The following GNAS-AS1 variants were observed in gnomAD, a reference collection of about 807,000 sequenced individuals.
GNAS-AS1 encodes the protein GNAS antisense RNA 1 (non-protein coding).
chr20:58,826,401 A>G lies in GNAS-AS1; in HGVS notation n.820-7146T>C, dbSNP rs1306502335. ...ATAAAAATGTCCCAGGTGGATGACAAATGTTATGGTAACCCTAGTTATACA... is the reference window on the plus strand; with the variant it reads ...ATAAAAATGTCCCAGGTGGATGACAGATGTTATGGTAACCCTAGTTATACA... On this transcript the variant is annotated intron_variant and non_coding_transcript_variant, in intron 4 of 4. Transcript: ENST00000424094. Among the ~76,000 whole-genome samples, 4 of 152,162 alleles carry G rather than the reference A, an allele frequency of 2.6e-5. No homozygotes were observed. In the South Asian group the frequency reaches 8.3e-4, roughly 32 times the overall value.
intron 1 of GNAS-AS1, chr20:58,850,439 G>A (rs1047632511): frequency 1.8e-5 from 7 of 397,556 alleles, no homozygotes; most frequent in Non-Finnish European, 3.1e-5. Flanking sequence ...ATGGTACTTT[G>A]GGGGTGAGCG....
intron 4 of GNAS-AS1, chr20:58,826,002 C>A: frequency 2.5e-6 from 1 of 398,582 alleles, no homozygotes; most frequent in South Asian, 1.3e-4. Flanking sequence ...TTCTCTTTCT[C>A]CTGAGCTTGC....
chr20:58,824,438 C>T (rs1429069636), intron 4 of GNAS-AS1, among the ~76,000 whole-genome samples: 1 of 152,212 alleles, frequency 6.6e-6, no homozygotes, highest in Admixed American at 6.5e-5. Flanking sequence ...AGCAAAGTCC[C>T]ACCATGCTGG....
chr20:58,824,023 A>G (rs2085504000), intron 4 of GNAS-AS1: 1 of 398,520 alleles, frequency 2.5e-6, no homozygotes, highest in African/African-American at 2.1e-5. Context: ...GAAAGGCTTC[A>G]TTTTCCTGAC....
At chr20:58,836,315 T>G (rs1273047835) in intron 4 of GNAS-AS1, 1 of 152,248 alleles carries the variant, frequency 6.6e-6, no homozygotes, top group Non-Finnish European at 1.5e-5. Context: ...CTTCTTTGGG[T>G]TGCGCTGAAG....
chr20:58,823,478 G>A (rs910553324), intron 4 of GNAS-AS1, among the ~76,000 whole-genome samples: 1 of 152,194 alleles, frequency 6.6e-6, no homozygotes, highest in Non-Finnish European at 1.5e-5. Flanking sequence ...TGCCTGTGAC[G>A]GGCGCACGTG....
chr20:58,826,582 C>T (rs1030741134), intron 4 of GNAS-AS1, among the ~76,000 whole-genome samples: 50 of 152,040 alleles, frequency 3.3e-4, no homozygotes, highest in African/African-American at 1.2e-3. Flanking sequence ...GCAGAGGGGA[C>T]CTGGGTTTAA....
At chr20:58,848,836 C>T (rs1461712006) in intron 2 of GNAS-AS1, 1 of 398,528 alleles carries the variant, frequency 2.5e-6, no homozygotes, top group Non-Finnish European at 4.4e-6. Flanking sequence ...CTTCTGGGGT[C>T]CCTGACCCCA....
rs919438504 is a variant in GNAS-AS1, at chr20:58,840,692, C to T, written n.819+1245G>A. ...CCCCAGGGAAGGGGAGGAGCTCAAG[C>T]CCGAGGACAAAGATCCAAGGGACCC... On this transcript the variant is annotated intron_variant and non_coding_transcript_variant, in intron 4 of 4. Transcript: ENST00000424094. This position sits in a 1 kb window ranked among gnomAD's most constrained non-coding sequence, Gnocchi z 6.0. The T allele has an allele frequency of 6.2e-7, 1 of 1,604,144 alleles. No homozygotes were observed. Among genetic ancestry groups the T allele is most frequent in the African/African-American group, 1.3e-5 (1 of 75,016 alleles).
chr20:58,829,784 A>T (rs111374610), intron 4 of GNAS-AS1, among the ~76,000 whole-genome samples: 2 of 152,170 alleles, frequency 1.3e-5, no homozygotes, highest in African/African-American at 4.8e-5. Context: ...TCAGGGGGAA[A>T]AAAACAAAAG....
chr20:58,835,347 G>T (rs755427014), intron 4 of GNAS-AS1, among the ~76,000 whole-genome samples: 3 of 152,112 alleles, frequency 2.0e-5, no homozygotes, highest in Non-Finnish European at 2.9e-5. Context: ...ATGCATTGAG[G>T]TCTGTGGGAC....
intron 4 of GNAS-AS1, among the ~76,000 whole-genome samples, chr20:58,828,463 C>G (rs1055904039): frequency 6.6e-6 from 1 of 152,212 alleles, no homozygotes; most frequent in African/African-American, 2.4e-5. Context: ...AGGGATAGAA[C>G]TAGGACTAGA....
rs139237885 is a variant in GNAS-AS1 at position 58,833,444 on chromosome 20, C to T, written n.819+8493G>A. Among the ~76,000 whole-genome samples the T allele has an allele frequency of 8.3e-3, 1,267 of 152,292 alleles. 17 individuals are homozygous for T. The highest frequency in any genetic ancestry group is 9.9e-3 in the Non-Finnish European group (675 of 68,022). ...CGTTGAGAGGCCCTTCTTTCATTCT[C>T]CTGGCTCCATGATATTTTATCATGC... On this transcript the variant is annotated intron_variant and non_coding_transcript_variant, in intron 4 of 4. Coordinates refer to ENST00000424094, the Ensembl canonical transcript of GNAS-AS1.
At chr20:58,826,788 C>G (rs1385159675) in intron 4 of GNAS-AS1, 1 of 150,600 alleles carries the variant, frequency 6.6e-6, no homozygotes, top group African/African-American at 2.4e-5. Flanking sequence ...ATGATCCTGG[C>G]TCCTGGATTC....
rs1054120963 is a variant in GNAS-AS1, at chr20:58,818,946, G to A, written n.1129C>T. On this transcript the variant is annotated non_coding_transcript_exon_variant, in exon 5 of 5. Coordinates refer to ENST00000424094, the Ensembl canonical transcript of GNAS-AS1. ...CAGGGTGCATCTGGGAGGGCCTGCC[G>A]GGCCTTTATTCAACACTAGATACGC... 1.5e-4 allele frequency: 60 copies of A among 398,068 alleles called. 1 individual carries two copies. Among genetic ancestry groups the A allele is most frequent in the African/African-American group, 9.3e-4 (45 of 48,464 alleles). 24.7% of individuals were successfully genotyped at this position (398,068 alleles called of 1,614,324 possible). A position where few individuals can be genotyped will look rare whatever the true frequency, so the allele number is the denominator to read the frequency against.
At chr20:58,820,151 G>A (rs541143512) in intron 4 of GNAS-AS1, among the ~76,000 whole-genome samples, 230 of 152,350 alleles carry the variant, frequency 1.5e-3, no homozygotes, top group African/African-American at 5.3e-3. Flanking sequence ...GATGGTGTGC[G>A]CCAGCCACCC....
chr20:58,832,980 C>T (rs1010563373), intron 4 of GNAS-AS1, among the ~76,000 whole-genome samples: 3 of 152,214 alleles, frequency 2.0e-5, no homozygotes, highest in Non-Finnish European at 2.9e-5. Flanking sequence ...CACAGGCTGG[C>T]GGCTACAACT....
Position 58,841,742 on chromosome 20 carries a change from T to C in GNAS-AS1, n.819+195A>G. On this transcript the variant is annotated intron_variant and non_coding_transcript_variant, in intron 4 of 4. Transcript: ENST00000424094. The surrounding 1 kb of genome is among the most constrained non-coding windows in gnomAD (Gnocchi z 5.0). ...GCTACCAGGGTTGAACGCACAGGCA[T>C]GGTCACGTCGGGGTATTGCCAAGCT... 2 of 1,226,740 alleles carry C rather than the reference T, an allele frequency of 1.6e-6. No individual in the cohort carries two copies. Among genetic ancestry groups the C allele is most frequent in the South Asian group, 4.3e-5 (1 of 23,444 alleles). The allele number at this position is 1,226,740 out of a possible 1,614,324, so 76.0% of individuals were successfully genotyped here. A position where few individuals can be genotyped will look rare whatever the true frequency, so the allele number is the denominator to read the frequency against.
chr20:58,827,765 G>A (rs1312955841), intron 4 of GNAS-AS1, among the ~76,000 whole-genome samples: 2 of 152,200 alleles, frequency 1.3e-5, no homozygotes, highest in Non-Finnish European at 2.9e-5. Context: ...TTTTCAAGAT[G>A]ACATCCTCTA....
Sources: gnomAD v4.1 joint callset for allele counts (sites outside exome capture counted in the v4.1 genomes callset) on GRCh38, gnomAD v4.1.1 for gene constraint, Gnocchi (gnomAD v3.1) non-coding constraint, MANE v1.5 for transcripts, NCBI Gene and HGNC (gene_info 2026-07-23, HGNC 2026-07-21) for gene names.